The following SHQ1 variants were observed in gnomAD, a reference collection of about 807,000 sequenced individuals.
SHQ1 encodes the protein protein SHQ1 homolog.
In SHQ1, 49 loss-of-function variants were observed where a neutral mutation model predicts 53.8. That is an observed-to-expected ratio of 0.91 (90% CI 0.72 to 1.16). The LOEUF (loss-of-function observed/expected upper bound fraction) is 1.16, where lower values mean the gene tolerates loss of function less well. SHQ1 is among the 50% of genes most tolerant of loss of function. SHQ1 has a pLI of 0.00. For synonymous variants in SHQ1, 243 were observed against 251.0 expected (o/e 0.97, Z 0.30); for missense variants, 738 against 683.1 (o/e 1.08, Z -0.90).
intron 5 of SHQ1, among the ~76,000 whole-genome samples, chr3:72,829,624 T>G (rs1051397746): frequency 3.3e-5 from 5 of 152,240 alleles, no homozygotes; most frequent in African/African-American, 1.2e-4. Context: ...AGCCATCCAA[T>G]TACTATTTGT....
the SHQ1 span, among the ~76,000 whole-genome samples, chr3:72,739,071 A>C: frequency 1.8e-4 from 28 of 152,300 alleles, no homozygotes; most frequent in East Asian, 4.5e-3. Context: ...TTTCTCACTG[A>C]TCCGGGAGCG....
chr3:72,814,329 T>C (rs369241805), intron 8 of SHQ1, among the ~76,000 whole-genome samples: 2 of 152,220 alleles, frequency 1.3e-5, no homozygotes, highest in Non-Finnish European at 2.9e-5. Context: ...GGAACTCCAA[T>C]GAAGCCTAGA....
At chr3:72,755,549 G>A (rs1239224860) in intron 10 of SHQ1, among the ~76,000 whole-genome samples, 2 of 152,178 alleles carry the variant, frequency 1.3e-5, no homozygotes, top group East Asian at 3.8e-4. Flanking sequence ...CCAGTAGTCT[G>A]AGGAATTAAA....
chr3:72,846,423 G>A, intron 1 of SHQ1: 3 of 943,200 alleles, frequency 3.2e-6, no homozygotes, highest in Non-Finnish European at 4.7e-6. Flanking sequence ...AGCTTCCCAA[G>A]TAGCTAGGAC....
At chr3:72,846,194 G>T (rs1502754) in intron 1 of SHQ1, 362,629 of 1,533,808 alleles carry the variant, frequency 0.24, 45,377 homozygotes, top group African/African-American at 0.36. Context: ...TCTTACTGCA[G>T]AGAAAATTAT....
chr3:72,739,156 AAC>A, the SHQ1 span, among the ~76,000 whole-genome samples: 1 of 152,208 alleles, frequency 6.6e-6, no homozygotes, highest in Non-Finnish European at 1.5e-5. Flanking sequence ...GCCCTCGAGC[AAC>A]GTCTGACTTT....
chr3:72,745,998 C>A (rs11927166), downstream of SHQ1, among the ~76,000 whole-genome samples: 3 of 151,792 alleles, frequency 2.0e-5, no homozygotes, highest in African/African-American at 4.8e-5. Context: ...CCGCCACCAC[C>A]CCCAGGTAAG....
At chr3:72,814,952 A>ATG (rs1204914945) in intron 8 of SHQ1, among the ~76,000 whole-genome samples, 5 of 152,154 alleles carry the variant, frequency 3.3e-5, no homozygotes, top group African/African-American at 1.2e-4. Context: ...ACATATATAT[A>ATG]AAAAATCATA....
In SHQ1 at chr3:72,817,298, A is replaced by G. The variant is rs532745159; in HGVS notation, c.814T>C (p.Cys272Arg). ...LLDKRACRQV[C>R]YSLIDILLAY... ...AGAAGGATATCAATCAAACTGTAGC[A>G]CACTTGACGACAGGCTCTCTTGTCC... is the stretch of plus-strand genomic sequence containing the variant. The change falls in exon 7 of 11, where the codon TGC (cysteine) becomes CGC (arginine). Residue 272 changes from cysteine to arginine, a missense_variant. Coordinates refer to ENST00000325599, the MANE Select transcript of SHQ1 (RefSeq NM_018130.3). 1 of 1,614,002 alleles carries G rather than the reference A, an allele frequency of 6.2e-7. No individual in the cohort carries two copies. Among genetic ancestry groups the G allele is most frequent in the African/African-American group, 1.3e-5 (1 of 75,054 alleles).
chr3:72,780,051 C>T (rs968378628), intron 10 of SHQ1, among the ~76,000 whole-genome samples: 2 of 152,136 alleles, frequency 1.3e-5, no homozygotes, highest in African/African-American at 2.4e-5. Flanking sequence ...GCCTGAGCAA[C>T]ACAGCAAGAC....
chr3:72,743,202 G>A, the SHQ1 span, among the ~76,000 whole-genome samples: 1 of 152,216 alleles, frequency 6.6e-6, no homozygotes, highest in Non-Finnish European at 1.5e-5. Flanking sequence ...TGCTTTAGAA[G>A]ATAAGAATCT....
At chr3:72,736,477 T>C in the SHQ1 span, among the ~76,000 whole-genome samples, 3 of 142,090 alleles carry the variant, frequency 2.1e-5, no homozygotes, top group East Asian at 1.9e-4. Context: ...TTTTCAATCA[T>C]TAAAAATTTT....
At chr3:72,751,386 C>T (rs934327109) in intron 10 of SHQ1, among the ~76,000 whole-genome samples, 1 of 151,818 alleles carries the variant, frequency 6.6e-6, no homozygotes, top group African/African-American at 2.4e-5. Flanking sequence ...CACCACTGCA[C>T]TCCAGCTAGA....
At chr3:72,756,638 G>A (rs62251647) in intron 10 of SHQ1, among the ~76,000 whole-genome samples, 34,559 of 151,974 alleles carry the variant, frequency 0.23, 4,101 homozygotes, top group Non-Finnish European at 0.25. Context: ...ATTTATTATA[G>A]AATGAAGAGA....
rs1318551593 is a variant in SHQ1, at chr3:72,848,363, G to A, written c.-23C>T. On this transcript the variant is annotated 5_prime_UTR_variant, in exon 1 of 11. Coordinates refer to ENST00000325599, the MANE Select transcript of SHQ1 (RefSeq NM_018130.3). ...CATCGCCGCACCGGACGCAAGGGCC[G>A]GCGCCGCTCGCTCTCACTGCCGCCG... 14 of 1,611,706 alleles carry A rather than the reference G, an allele frequency of 8.7e-6. No homozygotes were observed. The highest frequency in any genetic ancestry group is 1.1e-5 in the Non-Finnish European group (13 of 1,178,776).
At chr3:72,836,098 T>G (rs563105097) in intron 4 of SHQ1, among the ~76,000 whole-genome samples, 1 of 152,262 alleles carries the variant, frequency 6.6e-6, no homozygotes, top group East Asian at 1.9e-4. Context: ...TGCTATGGAG[T>G]AGAAACTGTT....
At chr3:72,842,691 A>G (rs181021565) in intron 2 of SHQ1, among the ~76,000 whole-genome samples, 1 of 152,380 alleles carries the variant, frequency 6.6e-6, no homozygotes, top group Non-Finnish European at 1.5e-5. Flanking sequence ...TACAGGCTCT[A>G]AAACTATGCC....
intron 9 of SHQ1, chr3:72,794,388 C>T (rs1303559178): frequency 6.6e-6 from 1 of 152,230 alleles, no homozygotes; most frequent in East Asian, 1.9e-4. Flanking sequence ...AACACCGCAA[C>T]AGCAGGTTTT....
chr3:72,730,172 G>A, the SHQ1 span, among the ~76,000 whole-genome samples: 1 of 151,896 alleles, frequency 6.6e-6, no homozygotes, highest in Non-Finnish European at 1.5e-5. Context: ...CTGGGGCACA[G>A]TGATGCAATC....
Sources: gnomAD v4.1 joint callset for allele counts (sites outside exome capture counted in the v4.1 genomes callset) on GRCh38, gnomAD v4.1.1 for gene constraint, MANE v1.5 for transcripts, NCBI Gene and HGNC (gene_info 2026-07-23, HGNC 2026-07-21) for gene names.